The following DHRSX variants were observed in gnomAD, a reference collection of about 807,000 sequenced individuals.
The protein encoded by DHRSX is polyprenol dehydrogenase.
Under a neutral mutation model 34.0 loss-of-function variants are expected in DHRSX, and 31 were observed. That is an observed-to-expected ratio of 0.91 (90% CI 0.69 to 1.23). The LOEUF is 1.23. DHRSX is among the 50% of genes most tolerant of loss of function. The pLI, the probability that DHRSX is intolerant of heterozygous loss-of-function variation, is 0.00. For synonymous variants in DHRSX, 201 were observed against 183.8 expected, an observed-to-expected ratio of 1.09 and a Z score of -0.76; for missense variants, 414 against 428.1, an observed-to-expected ratio of 0.97 and a Z score of 0.29.
chrX:2,485,822 AGGAAGGGAG>A (rs1399751212), intron 1 of DHRSX, among the ~76,000 whole-genome samples: 33 of 63,498 alleles, frequency 5.2e-4, no homozygotes, highest in Admixed American at 1.3e-3. Context: ...GAGAGAAGGA[AGGAAGGGAG>A]AGAAGGAAGG....
At chrX:2,254,964 C>CTT (rs769097084) in intron 5 of DHRSX, among the ~76,000 whole-genome samples, 8 of 97,510 alleles carry the variant, frequency 8.2e-5, no homozygotes, top group African/African-American at 2.8e-4. Flanking sequence ...CCTTTTTTTT[C>CTT]TTTTTTTTTT....
chrX:2,444,231 C>T (rs2044099388), intron 1 of DHRSX, among the ~76,000 whole-genome samples: 1 of 152,160 alleles, frequency 6.6e-6, no homozygotes, highest in Non-Finnish European at 1.5e-5. Flanking sequence ...CCAAATACAA[C>T]AATTTATTCA....
chrX:2,290,186 T>A (rs983775901), intron 4 of DHRSX, among the ~76,000 whole-genome samples: 7 of 152,108 alleles, frequency 4.6e-5, no homozygotes, highest in African/African-American at 1.7e-4. Context: ...CATAATAATT[T>A]CCAATTAAAC....
chrX:2,391,586 A>G lies in DHRSX; in HGVS notation c.286+17159T>C, dbSNP rs777454775. On this transcript the variant is annotated intron_variant, in intron 3 of 6. Transcript: ENST00000334651. ...ATAGAAGGCAGCAGACACAGGGGTC[A>G]CACCCAGAAATGCAAAGGCTGATGT... is the stretch of plus-strand genomic sequence containing the variant. 2.0e-5 allele frequency among the ~76,000 whole-genome samples: 3 copies of G among 152,296 alleles called. No homozygotes were observed. In the East Asian group the frequency reaches 5.8e-4, roughly 29 times the overall value.
At chrX:2,265,768 C>T (rs1246810306) in intron 5 of DHRSX, among the ~76,000 whole-genome samples, 10 of 122,974 alleles carry the variant, frequency 8.1e-5, no homozygotes, top group African/African-American at 1.9e-4. Flanking sequence ...GCTTGGCAGA[C>T]GCAGGGAGCA....
At chrX:2,325,473 T>C (rs1329584311) in intron 3 of DHRSX, among the ~76,000 whole-genome samples, 3 of 152,200 alleles carry the variant, frequency 2.0e-5, no homozygotes, top group East Asian at 3.9e-4. Context: ...AGTGGCTCCA[T>C]CTTCCCTCCT....
intron 3 of DHRSX, chrX:2,337,932 G>C (rs1252906756): frequency 1.3e-5 from 2 of 149,952 alleles, no homozygotes; most frequent in African/African-American, 5.0e-5. Context: ...ATCAGCGTTG[G>C]TTTTCCAAGT....
intron 2 of DHRSX, among the ~76,000 whole-genome samples, chrX:2,424,443 C>G (rs760302039): frequency 6.6e-6 from 1 of 152,126 alleles, no homozygotes; most frequent in African/African-American, 2.4e-5. Flanking sequence ...AGGAACCAGC[C>G]TTACTCACAC....
intron 6 of DHRSX, among the ~76,000 whole-genome samples, chrX:2,235,842 G>A (rs180762564): frequency 2.0e-5 from 3 of 149,062 alleles, no homozygotes; most frequent in Non-Finnish European, 3.0e-5. Flanking sequence ...GGACGGGTGC[G>A]GTGGCTCACA....
In DHRSX at chrX:2,471,605, T is replaced by TGAA. The variant is rs199541269; in HGVS notation, c.109+29209_109+29211dup. ...CATTTACGTTGAGATTTCTACACTG[T>TGAA]GAAAAAAGATCTGCAATAGGGCATC... is the stretch of plus-strand genomic sequence containing the variant. On this transcript the variant is annotated intron_variant, in intron 1 of 6. Coordinates refer to ENST00000334651, the MANE Select transcript of DHRSX (RefSeq NM_145177.3). Among the ~76,000 whole-genome samples, 454 of 150,124 alleles carry TGAA rather than the reference T, an allele frequency of 3.0e-3. 9 individuals are homozygous for TGAA. Among genetic ancestry groups the TGAA allele is most frequent in the African/African-American group, 9.7e-3 (397 of 40,866 alleles).
At chrX:2,307,944 G>A (rs1354650273) in intron 3 of DHRSX, among the ~76,000 whole-genome samples, 5 of 152,018 alleles carry the variant, frequency 3.3e-5, no homozygotes, top group African/African-American at 1.2e-4. Flanking sequence ...ACCCATGTAG[G>A]AGCTGCGTCC....
At chrX:2,436,050 G>A (rs1223887270) in intron 1 of DHRSX, among the ~76,000 whole-genome samples, 17 of 151,742 alleles carry the variant, frequency 1.1e-4, no homozygotes, top group East Asian at 1.9e-4. Flanking sequence ...AAAATTAGCC[G>A]GGCATGGTAG....
At chrX:2,495,842 G>A (rs1168670888) in intron 1 of DHRSX, among the ~76,000 whole-genome samples, 1 of 151,976 alleles carries the variant, frequency 6.6e-6, no homozygotes, top group Non-Finnish European at 1.5e-5. Flanking sequence ...GTTTCCAATT[G>A]CACATCCATG....
chrX:2,243,478 T>TTTTA (rs891844379), intron 5 of DHRSX, among the ~76,000 whole-genome samples: 9 of 152,012 alleles, frequency 5.9e-5, no homozygotes, highest in African/African-American at 9.7e-5. Context: ...GTTACTAATT[T>TTTTA]TTTATTTATT....
intron 1 of DHRSX, among the ~76,000 whole-genome samples, chrX:2,435,656 G>T (rs1335392351): frequency 1.3e-5 from 2 of 152,062 alleles, no homozygotes; most frequent in African/African-American, 4.8e-5. Flanking sequence ...TCCCAGGTAC[G>T]TGGGAGGCTG....
Position 2,258,510 on chromosome X carries a change from G to C in DHRSX, c.596+8230C>G, listed in dbSNP as rs138845559. Among the ~76,000 whole-genome samples, 93 of 151,750 alleles carry C rather than the reference G, an allele frequency of 6.1e-4. 1 individual carries two copies. In the East Asian group the frequency reaches 0.018, roughly 29 times the overall value. On this transcript the variant is annotated intron_variant, in intron 5 of 6. Transcript: ENST00000334651. ...GGAGATGAGGACACAGACACACACA[G>C]AGGGATGATCCTGTGAGGACACAGG...
At position 2,308,150 on chromosome X, in the gene DHRSX, C is replaced by G. The variant is rs2042122681; in HGVS notation, c.287-16547G>C. 1.3e-5 allele frequency among the ~76,000 whole-genome samples: 2 copies of G among 152,042 alleles called. 1 individual carries two copies. The highest frequency in any genetic ancestry group is 2.9e-5 in the Non-Finnish European group (2 of 68,002). ...CTAGGAGCTACAAAATGAGTGTCTG[C>G]CACGTAGCTCATGGAATAAGATGGA... is the stretch of plus-strand genomic sequence containing the variant. On this transcript the variant is annotated intron_variant, in intron 3 of 6. Coordinates refer to ENST00000334651, the MANE Select transcript of DHRSX (RefSeq NM_145177.3).
chrX:2,378,267 T>A (rs2043164525), intron 3 of DHRSX, among the ~76,000 whole-genome samples: 1 of 152,226 alleles, frequency 6.6e-6, no homozygotes, highest in African/African-American at 2.4e-5. Context: ...GTCAGAGATT[T>A]GACTTCTGTG....
At chrX:2,447,945 A>T (rs149102995) in intron 1 of DHRSX, among the ~76,000 whole-genome samples, 41,490 of 147,802 alleles carry the variant, frequency 0.28, 6,259 homozygotes, top group South Asian at 0.4. Flanking sequence ...CCGGAATCAC[A>T]ATGCTATGGA....
Sources: allele counts gnomAD v4.1 joint callset (sites outside exome capture counted in the v4.1 genomes callset), GRCh38; gene constraint gnomAD v4.1.1; transcripts MANE v1.5; gene names NCBI Gene and HGNC (gene_info 2026-07-23, HGNC 2026-07-21).